GADL1: variants seen among roughly 807,000 people sequenced by gnomAD.
GADL1 encodes acidic amino acid decarboxylase GADL1.
Under a neutral mutation model 69.5 loss-of-function variants are expected in GADL1, and 71 were observed. The observed-to-expected ratio is 1.02, with a 90% CI of 0.84 to 1.25. The LOEUF (loss-of-function observed/expected upper bound fraction) is 1.25, where lower values mean the gene tolerates loss of function less well. Among genes scored for constraint, GADL1 ranks in the 50% most tolerant of loss-of-function variants. GADL1 has a pLI of 0.00. For missense variants in GADL1, 737 were observed against 631.8 expected (o/e 1.17, Z -1.79); for synonymous variants, 254 against 214.4 (o/e 1.18, Z -1.62).
rs1698630091 is a variant in GADL1 at position 30,880,561 on chromosome 3, TC to T, written c.37+14016del. ...TTGCCTATGCCATGATTGTGAGGCC[TC>T]CCCAGCCATGTGGAATTGTGATTCC... On this transcript the variant is annotated intron_variant, in intron 1 of 14. Coordinates refer to ENST00000282538, the MANE Select transcript of GADL1 (RefSeq NM_207359.3). Among the ~76,000 whole-genome samples the T allele has an allele frequency of 3.3e-5, 5 of 152,056 alleles. No individual in the cohort carries two copies. The South Asian group carries it at 1.0e-3, about 32-fold the overall frequency.
At chr3:30,757,212 C>CTT (rs1476311486) in intron 14 of GADL1, among the ~76,000 whole-genome samples, 3 of 152,140 alleles carry the variant, frequency 2.0e-5, no homozygotes, top group African/African-American at 4.8e-5. Context: ...CCTGGACCTT[C>CTT]ATCAAATATC....
chr3:30,854,041 G>GT (rs1181550074), intron 4 of GADL1, among the ~76,000 whole-genome samples: 2 of 152,026 alleles, frequency 1.3e-5, no homozygotes, highest in Admixed American at 1.3e-4. Context: ...CTACAGTCCT[G>GT]TAACTCTCTC....
chr3:30,889,560 G>C lies in GADL1; in HGVS notation c.37+5018C>G, dbSNP rs1698759049. ...AAAGTTAACCATGACTTACAGCAAA[G>C]CAATGTATTTAACGTGGCAACATGC... is the stretch of plus-strand genomic sequence containing the variant. On this transcript the variant is annotated intron_variant, in intron 1 of 14. Coordinates refer to ENST00000282538, the MANE Select transcript of GADL1 (RefSeq NM_207359.3). 2.6e-5 allele frequency among the ~76,000 whole-genome samples: 4 copies of C among 152,276 alleles called. No individual in the cohort carries two copies. The South Asian group carries it at 6.2e-4, about 24-fold the overall frequency.
chr3:30,777,403 T>TG (rs1298475039), intron 14 of GADL1, among the ~76,000 whole-genome samples: 2 of 152,208 alleles, frequency 1.3e-5, no homozygotes, highest in Non-Finnish European at 2.9e-5. Flanking sequence ...CATAAGAACT[T>TG]GGACTCTACA....
At position 30,870,432 on chromosome 3, in the gene GADL1, T is replaced by C. The variant is rs181483961; in HGVS notation, c.38-8667A>G. Among the ~76,000 whole-genome samples, 151 of 151,638 alleles carry C rather than the reference T, an allele frequency of 1.0e-3. 2 individuals carry two copies. The highest frequency in any genetic ancestry group is 3.4e-3 in the African/African-American group (142 of 41,246). On this transcript the variant is annotated intron_variant, in intron 1 of 14. Coordinates refer to ENST00000282538, the MANE Select transcript of GADL1 (RefSeq NM_207359.3). ...GAAAGAGATAAGTGTGGCCCAAGTG[T>C]GAGGGCAAGGGAAAGGAAGGGTGAA...
intron 1 of GADL1, among the ~76,000 whole-genome samples, chr3:30,868,146 G>A (rs1023578916): frequency 2.0e-5 from 3 of 151,966 alleles, no homozygotes; most frequent in African/African-American, 4.8e-5. Context: ...GGCTTTTATA[G>A]TAAATGAGTT....
At chr3:30,801,824 A>G (rs1697170511) in intron 11 of GADL1, among the ~76,000 whole-genome samples, 1 of 152,186 alleles carries the variant, frequency 6.6e-6, no homozygotes, top group East Asian at 1.9e-4. Context: ...TAGTGTCTAC[A>G]AAAGCCAAGA....
intron 14 of GADL1, among the ~76,000 whole-genome samples, chr3:30,759,369 C>T (rs1258133299): frequency 2.0e-5 from 3 of 152,200 alleles, no homozygotes; most frequent in Admixed American, 6.5e-5. Context: ...TCTGTACCTC[C>T]AGTACTTGTT....
chr3:30,780,965 C>T (rs1450774867), intron 13 of GADL1, among the ~76,000 whole-genome samples: 1 of 152,174 alleles, frequency 6.6e-6, no homozygotes, highest in Non-Finnish European at 1.5e-5. Flanking sequence ...CTTAAAGAGA[C>T]TTCAAAGCAC....
chr3:30,855,787 G>T lies in GADL1; in HGVS notation c.338-998C>A, dbSNP rs142206154. On this transcript the variant is annotated intron_variant, in intron 3 of 14. Coordinates refer to ENST00000282538, the MANE Select transcript of GADL1 (RefSeq NM_207359.3). ...TGAGTATTTGGGAATCATTTAATTTGGTGACCTCTCATTACAACTTACAGC... is the reference window on the plus strand; with the variant it reads ...TGAGTATTTGGGAATCATTTAATTTTGTGACCTCTCATTACAACTTACAGC... 5.3e-5 allele frequency among the ~76,000 whole-genome samples: 8 copies of T among 151,700 alleles called. No homozygotes were observed. In the South Asian group the frequency reaches 6.3e-4, roughly 12 times the overall value.
At chr3:30,737,058 T>C (rs1348068375) in intron 14 of GADL1, among the ~76,000 whole-genome samples, 3 of 152,184 alleles carry the variant, frequency 2.0e-5, no homozygotes, top group African/African-American at 7.2e-5. Flanking sequence ...TGAAGAATAC[T>C]ATTTGGTATG....
chr3:30,818,418 G>A (rs1428383762), intron 11 of GADL1, among the ~76,000 whole-genome samples: 2 of 152,048 alleles, frequency 1.3e-5, no homozygotes, highest in East Asian at 3.9e-4. Context: ...ATAATATTTA[G>A]TCTGGTCACT....
At chr3:30,791,747 T>C (rs1172006032) in intron 12 of GADL1, among the ~76,000 whole-genome samples, 1 of 152,094 alleles carries the variant, frequency 6.6e-6, no homozygotes, top group East Asian at 1.9e-4. Context: ...TCATCTTGAA[T>C]TGTAGCTCCC....
intron 14 of GADL1, among the ~76,000 whole-genome samples, chr3:30,772,605 G>T (rs1025260509): frequency 2.6e-5 from 4 of 152,116 alleles, no homozygotes; most frequent in African/African-American, 7.2e-5. Context: ...GGCTGGGTGC[G>T]GTGGCTCATG....
intron 1 of GADL1, among the ~76,000 whole-genome samples, chr3:30,882,844 T>G (rs1005212570): frequency 7.0e-6 from 1 of 142,668 alleles, no homozygotes; most frequent in Non-Finnish European, 1.5e-5. Context: ...AGGTGGTTGG[T>G]TTTTTTTTTA....
chr3:30,861,432 T>C (rs1698319198), intron 2 of GADL1, among the ~76,000 whole-genome samples, 161 bp downstream of exon 2: 1 of 151,812 alleles, frequency 6.6e-6, no homozygotes, highest in Non-Finnish European at 1.5e-5. Flanking sequence ...AGGAATTGCC[T>C]GAAGGACAGC....
At chr3:30,860,150 A>G (rs1287089310) in intron 2 of GADL1, among the ~76,000 whole-genome samples, 1 of 151,762 alleles carries the variant, frequency 6.6e-6, no homozygotes, top group African/African-American at 2.4e-5. Flanking sequence ...CTTTACTTAC[A>G]TTCCACATCT....
At chr3:30,743,085 T>A (rs974096827) in intron 14 of GADL1, among the ~76,000 whole-genome samples, 4 of 152,194 alleles carry the variant, frequency 2.6e-5, no homozygotes, top group African/African-American at 9.6e-5. Flanking sequence ...TTTTTCAACC[T>A]GTGTGAGTGG....
At chr3:30,810,544 G>A (rs894335130) in intron 11 of GADL1, among the ~76,000 whole-genome samples, 4 of 152,056 alleles carry the variant, frequency 2.6e-5, no homozygotes, top group Non-Finnish European at 5.9e-5. Flanking sequence ...TAATACATTT[G>A]ACGTTTTTGT....
Sources: gnomAD v4.1 joint callset for allele counts (sites outside exome capture counted in the v4.1 genomes callset) on GRCh38, gnomAD v4.1.1 for gene constraint, MANE v1.5 for transcripts, NCBI Gene and HGNC (gene_info 2026-07-23, HGNC 2026-07-21) for gene names.